The following RAB27B variants were observed in gnomAD, a reference collection of about 807,000 sequenced individuals.
RAB27B encodes ras-related protein Rab-27B.
Under a neutral mutation model 24.6 loss-of-function variants are expected in RAB27B, and 15 were observed. The ratio of observed to expected loss-of-function variants is 0.61; its 90% CI spans 0.41 to 0.94. RAB27B has a LOEUF of 0.94. RAB27B is among the 40% of genes least tolerant of loss of function. The pLI, the probability that RAB27B is intolerant of heterozygous loss-of-function variation, is 0.00. For synonymous variants in RAB27B, 105 were observed against 92.5 expected (o/e 1.14, Z -0.78); for missense variants, 261 against 266.8 (o/e 0.98, Z 0.15).
chr18:54,805,056 AG>A (rs909237519), intron 2 of RAB27B, among the ~76,000 whole-genome samples: 1 of 149,916 alleles, frequency 6.7e-6, no homozygotes, highest in Non-Finnish European at 1.5e-5. Flanking sequence ...GATGTGCCCA[AG>A]CTGACAGGGA....
chr18:54,720,006 G>GT (rs2144969013), intron 2 of RAB27B, among the ~76,000 whole-genome samples: 1 of 152,150 alleles, frequency 6.6e-6, no homozygotes, highest in Non-Finnish European at 1.5e-5. Flanking sequence ...CAAGAAGTAT[G>GT]TTTTTATTCA....
chr18:54,886,701 T>C (rs1363641896), intron 4 of RAB27B, among the ~76,000 whole-genome samples: 6 of 152,120 alleles, frequency 3.9e-5, no homozygotes, highest in African/African-American at 1.4e-4. Context: ...TGTTTATCCT[T>C]TTTCAAGGCA....
At chr18:54,804,865 CTTTT>C (rs879811076) in intron 2 of RAB27B, among the ~76,000 whole-genome samples, 1 of 58,912 alleles carries the variant, frequency 1.7e-5, no homozygotes, top group Non-Finnish European at 3.6e-5. Context: ...TCCTTCCTTT[CTTTT>C]TTTCTTTTTT....
At chr18:54,819,840 A>G (rs1192832529) in intron 2 of RAB27B, among the ~76,000 whole-genome samples, 1 of 138,998 alleles carries the variant, frequency 7.2e-6, no homozygotes, top group South Asian at 2.2e-4. Flanking sequence ...CTAATTGTTC[A>G]ATTCCCACCT....
chr18:54,728,884 AAAAAAAAAAAAAAAAACCC>A (rs1909630819), intron 2 of RAB27B, among the ~76,000 whole-genome samples: 4 of 96,858 alleles, frequency 4.1e-5, no homozygotes, highest in South Asian at 3.5e-4. Context: ...TCAAAAAAAA[AAAAAAAAAAAAAAAAACCC>A]AAAAAAAAAA....
At chr18:54,804,207 A>G (rs1445351181) in intron 2 of RAB27B, among the ~76,000 whole-genome samples, 1 of 152,248 alleles carries the variant, frequency 6.6e-6, no homozygotes, top group Non-Finnish European at 1.5e-5. Flanking sequence ...TGATAAGGAA[A>G]CATCCAAACT....
chr18:54,766,270 A>T (rs1363796626), intron 2 of RAB27B, among the ~76,000 whole-genome samples: 1 of 152,166 alleles, frequency 6.6e-6, no homozygotes, highest in Non-Finnish European at 1.5e-5. Context: ...CAGTAAATGG[A>T]GTCATTATGG....
rs1292135131 is a variant in RAB27B at position 54,889,601 on chromosome 18, G to A, written c.*188G>A. 1.9e-6 allele frequency: 1 copy of A among 515,348 alleles called. No homozygotes were observed. Among genetic ancestry groups the A allele is most frequent in the Non-Finnish European group, 3.3e-6 (1 of 302,796 alleles). 31.9% of individuals were successfully genotyped at this position (515,348 alleles called of 1,614,324 possible). On this transcript the variant is annotated 3_prime_UTR_variant, in exon 6 of 6. Transcript: ENST00000262094. Reference sequence around the variant, plus strand: ...AAAGAATTGACTAGTTATCCCTGAGGCCCTTTCAAACATGATCAAAGATTT... The same window carrying A: ...AAAGAATTGACTAGTTATCCCTGAGACCCTTTCAAACATGATCAAAGATTT...
At chr18:54,723,240 TG>T (rs1308288061) in intron 2 of RAB27B, among the ~76,000 whole-genome samples, 1 of 152,198 alleles carries the variant, frequency 6.6e-6, no homozygotes, top group African/African-American at 2.4e-5. Context: ...TGAGACCTTG[TG>T]CTGCTACTGT....
intron 2 of RAB27B, among the ~76,000 whole-genome samples, chr18:54,768,150 G>A (rs1274843214): frequency 6.6e-6 from 1 of 152,090 alleles, no homozygotes; most frequent in Non-Finnish European, 1.5e-5. Context: ...TGTGGGATGA[G>A]TGGAAATTTA....
At position 54,884,678 on chromosome 18, in the gene RAB27B, T is replaced by C. The variant is rs192289785; in HGVS notation, c.343+242T>C. On this transcript the variant is annotated intron_variant, in intron 4 of 5. Coordinates refer to ENST00000262094, the MANE Select transcript of RAB27B (RefSeq NM_004163.4). ...TTGATATTTTTAGAGGAAGCCTATGTAGCTTTATCACCACTTGTATTTAAG... is the reference window on the plus strand; with the variant it reads ...TTGATATTTTTAGAGGAAGCCTATGCAGCTTTATCACCACTTGTATTTAAG... 7.9e-4 allele frequency among the ~76,000 whole-genome samples: 120 copies of C among 152,324 alleles called. No homozygotes were observed. In the South Asian group the frequency reaches 0.018, roughly 23 times the overall value.
rs568653372 is a variant in RAB27B, at chr18:54,819,196, ATAT to A, written c.-19-58367_-19-58365del. 1.6e-3 allele frequency among the ~76,000 whole-genome samples: 242 copies of A among 148,054 alleles called. 1 individual carries two copies. Among genetic ancestry groups the A allele is most frequent in the Middle Eastern group, 0.014 (4 of 280 alleles). On this transcript the variant is annotated intron_variant, in intron 2 of 4. Transcript: ENST00000586570. ...TATTAATGAATATTATATACTATAA[ATAT>A]TATATAATTATAATTCTAAATATAA...
rs1255176092 is a variant in RAB27B at position 54,894,069 on chromosome 18, A to G, written c.*4656A>G. ...TAAATCTAATTTTTCCATAAATTAGATTTATGATATTTTCATAAAGCACTT... is the reference window on the plus strand; with the variant it reads ...TAAATCTAATTTTTCCATAAATTAGGTTTATGATATTTTCATAAAGCACTT... On this transcript the variant is annotated 3_prime_UTR_variant, in exon 6 of 6. Transcript: ENST00000262094. The G allele has an allele frequency of 6.6e-6, 1 of 151,958 alleles. No individual in the cohort carries two copies. The highest frequency in any genetic ancestry group is 1.9e-4 in the East Asian group (1 of 5,190). The allele number at this position is 151,958 out of a possible 1,614,324, so 9.4% of individuals were successfully genotyped here. A position where few individuals can be genotyped will look rare whatever the true frequency, so the allele number is the denominator to read the frequency against.
chr18:54,876,540 A>G (rs191120294), intron 1 of RAB27B, among the ~76,000 whole-genome samples: 2 of 152,226 alleles, frequency 1.3e-5, no homozygotes, highest in African/African-American at 4.8e-5. Flanking sequence ...AATATAGCCC[A>G]TGATTCAGGA....
intron 2 of RAB27B, among the ~76,000 whole-genome samples, chr18:54,730,073 T>C (rs1199952159): frequency 2.0e-5 from 3 of 152,178 alleles, no homozygotes; most frequent in African/African-American, 7.2e-5. Context: ...AATTTTCTGG[T>C]CAGAAAATAT....
rs577958567 is a variant in RAB27B, at chr18:54,810,752, C to G, written c.-19-66815C>G. Among the ~76,000 whole-genome samples the G allele has an allele frequency of 3.3e-5, 5 of 151,860 alleles. No individual in the cohort carries two copies. The South Asian group carries it at 1.0e-3, about 32-fold the overall frequency. On this transcript the variant is annotated intron_variant, in intron 2 of 4. Coordinates refer to the RAB27B transcript ENST00000586570. ...GGCTGAAGCATGAGAATCACTTGAA[C>G]TGGGGAGGAGGCAGAGGTTGCAGTG...
chr18:54,749,823 G>C (rs1045961547), intron 2 of RAB27B, among the ~76,000 whole-genome samples: 5 of 152,092 alleles, frequency 3.3e-5, no homozygotes. Flanking sequence ...TGGGTGGGGG[G>C]TTGGTTGTTT....
intron 2 of RAB27B, among the ~76,000 whole-genome samples, chr18:54,783,703 A>G (rs1437480200): frequency 2.0e-5 from 3 of 152,288 alleles, no homozygotes; most frequent in Non-Finnish European, 2.9e-5. Context: ...CAGGAAGCAG[A>G]CACTTTGCAC....
At chr18:54,763,204 G>A (rs1908247754) in intron 2 of RAB27B, among the ~76,000 whole-genome samples, 1 of 152,128 alleles carries the variant, frequency 6.6e-6, no homozygotes, top group Admixed American at 6.5e-5. Context: ...GCAATCTAAA[G>A]TGAGAGTATT....
Sources: allele counts gnomAD v4.1 joint callset (sites outside exome capture counted in the v4.1 genomes callset), GRCh38; gene constraint gnomAD v4.1.1; transcripts MANE v1.5; gene names NCBI Gene and HGNC (gene_info 2026-07-23, HGNC 2026-07-21).